Variants in MYRIP observed in about 807,000 individuals in gnomAD.
MYRIP encodes the protein rab effector MyRIP.
A neutral mutation model predicts 98.0 loss-of-function variants in MYRIP; 49 were observed. The ratio of observed to expected loss-of-function variants is 0.50; its 90% CI spans 0.40 to 0.63. MYRIP has a LOEUF of 0.63. MYRIP is among the 30% of genes least tolerant of loss of function. The probability of loss-of-function intolerance (pLI) is 0.00; values close to 1 mark genes in which losing one functional copy is unlikely to be tolerated. For synonymous variants in MYRIP, 404 were observed against 409.5 expected (o/e 0.99, Z 0.16); for missense variants, 1,004 against 1,058.2 (o/e 0.95, Z 0.71).
intron 10 of MYRIP, among the ~76,000 whole-genome samples, chr3:40,204,509 G>A (rs1228438716): frequency 3.3e-5 from 5 of 151,786 alleles, no homozygotes; most frequent in Admixed American, 6.6e-5. Context: ...GTGCAAGGAA[G>A]AGGCAACGTT....
chr3:40,023,934 ATTTTG>A (rs1264742225), intron 2 of MYRIP, among the ~76,000 whole-genome samples: 2 of 152,102 alleles, frequency 1.3e-5, no homozygotes, highest in Non-Finnish European at 2.9e-5. Flanking sequence ...TGATTCATGG[ATTTTG>A]TGACTTTTTT....
In MYRIP at chr3:39,960,339, T is replaced by A. The variant is rs571180861; in HGVS notation, c.110+59413T>A. Among the ~76,000 whole-genome samples, 5 of 152,270 alleles carry A rather than the reference T, an allele frequency of 3.3e-5. No individual in the cohort carries two copies. In the South Asian group the frequency reaches 1.0e-3, roughly 32 times the overall value. On this transcript the variant is annotated intron_variant, in intron 2 of 16. Transcript: ENST00000302541. ...GGAATCAATTCTCACTGGACATTTA[T>A]CCCTGAGACTTTCTTGTAAAAAACA...
At chr3:40,159,682 C>T (rs532961953) in intron 4 of MYRIP, among the ~76,000 whole-genome samples, 122 of 152,076 alleles carry the variant, frequency 8.0e-4, no homozygotes, top group South Asian at 7.1e-3. Context: ...TTCTTGGAGG[C>T]TTTGCTCATT....
chr3:40,115,086 A>T (rs1000649663), intron 3 of MYRIP, among the ~76,000 whole-genome samples: 1 of 152,216 alleles, frequency 6.6e-6, no homozygotes, highest in Admixed American at 6.5e-5. Flanking sequence ...ATATCAGTAT[A>T]TCTGATATGA....
chr3:39,888,720 A>AG (rs1474380209), intron 1 of MYRIP, among the ~76,000 whole-genome samples: 7 of 152,198 alleles, frequency 4.6e-5, no homozygotes, highest in Non-Finnish European at 5.9e-5. Context: ...AGCAAAAGAA[A>AG]CTACCATCAG....
chr3:39,963,269 C>T (rs1945367827), intron 2 of MYRIP, among the ~76,000 whole-genome samples: 1 of 152,128 alleles, frequency 6.6e-6, no homozygotes, highest in Non-Finnish European at 1.5e-5. Context: ...GTTGCTGTTT[C>T]TTCTCCCTGT....
intron 4 of MYRIP, among the ~76,000 whole-genome samples, chr3:40,160,492 C>A (rs1950360135): frequency 6.6e-6 from 1 of 152,186 alleles, no homozygotes; most frequent in African/African-American, 2.4e-5. Flanking sequence ...CAGAGGCAGG[C>A]AGGCCTCCTT....
intron 2 of MYRIP, among the ~76,000 whole-genome samples, chr3:39,931,058 T>C (rs1944526820): frequency 6.6e-6 from 1 of 152,052 alleles, no homozygotes; most frequent in Non-Finnish European, 1.5e-5. Flanking sequence ...CAAAAATCGA[T>C]AACAAAAGAA....
At position 40,189,986 on chromosome 3, in the gene MYRIP, T is replaced by C. The variant is rs1240232779; in HGVS notation, c.1188T>C (p.Asp396=). Reference sequence around the variant, plus strand: ...CTGCCTACGATGAGATGGGCTCCGATAGCGAGGAAGACTTTGACTGGAGTG... The same window carrying C: ...CTGCCTACGATGAGATGGGCTCCGACAGCGAGGAAGACTTTGACTGGAGTG... ...VASAYDEMGS[D]SEEDFDWSEA... is the part of the protein sequence containing the mutation. The change falls in exon 10 of 17, where the codon GAT becomes GAC. Residue 396 remains aspartate (D), a synonymous_variant. Transcript: ENST00000302541. 2.5e-6 allele frequency: 4 copies of C among 1,613,972 alleles called. No homozygotes were observed. In the East Asian group the frequency reaches 8.9e-5, roughly 36 times the overall value.
chr3:39,825,260 C>T lies in MYRIP; in HGVS notation c.-31+15344C>T, dbSNP rs576695787. ...TAAAAGTGGTGATAGTGGACATCCT[C>T]GTCTTGCACTAGTTCTTGGAGAAAA... is the stretch of plus-strand genomic sequence containing the variant. On this transcript the variant is annotated intron_variant, in intron 1 of 16. Coordinates refer to ENST00000302541, the MANE Select transcript of MYRIP (RefSeq NM_015460.4). Among the ~76,000 whole-genome samples the T allele has an allele frequency of 9.9e-5, 15 of 152,246 alleles. No individual in the cohort carries two copies. In the East Asian group the frequency reaches 1.7e-3, roughly 18 times the overall value.
intron 3 of MYRIP, among the ~76,000 whole-genome samples, chr3:40,045,068 T>A (rs1947642634): frequency 6.6e-6 from 1 of 152,182 alleles, no homozygotes; most frequent in South Asian, 2.1e-4. Flanking sequence ...AAATGCCTGT[T>A]AATGAGTGAA....
chr3:40,010,051 A>G (rs1946726078), intron 2 of MYRIP, among the ~76,000 whole-genome samples: 1 of 152,220 alleles, frequency 6.6e-6, no homozygotes, highest in Admixed American at 6.5e-5. Context: ...AGGACAGTGA[A>G]TGAGAGGGTC....
chr3:39,833,149 A>G (rs926016306), intron 1 of MYRIP, among the ~76,000 whole-genome samples: 20 of 152,336 alleles, frequency 1.3e-4, no homozygotes, highest in African/African-American at 4.3e-4. Flanking sequence ...TAATAGGATG[A>G]TAACAACAAC....
chr3:39,957,460 C>A (rs1347561632), intron 2 of MYRIP, among the ~76,000 whole-genome samples: 3 of 152,084 alleles, frequency 2.0e-5, no homozygotes, highest in Non-Finnish European at 4.4e-5. Flanking sequence ...CAGAAAAGGC[C>A]TTCGAAAAAA....
At chr3:40,168,769 TC>T (rs918344513) in intron 7 of MYRIP, among the ~76,000 whole-genome samples, 1 of 151,974 alleles carries the variant, frequency 6.6e-6, no homozygotes, top group African/African-American at 2.4e-5. Context: ...GGTTACTGAC[TC>T]CCCCCTCTCA....
At chr3:40,052,651 A>G (rs572702002) in intron 3 of MYRIP, among the ~76,000 whole-genome samples, 74 of 152,278 alleles carry the variant, frequency 4.9e-4, no homozygotes, top group South Asian at 4.1e-4. Context: ...TCTTTTTCCC[A>G]GTAATTTCAT....
At chr3:40,034,169 C>T (rs1166123840) in intron 2 of MYRIP, among the ~76,000 whole-genome samples, 1 of 151,670 alleles carries the variant, frequency 6.6e-6, no homozygotes. Flanking sequence ...TGGGCAAGGA[C>T]TTCATGTCTA....
At chr3:40,018,603 C>T (rs1559562671) in intron 2 of MYRIP, among the ~76,000 whole-genome samples, 1 of 152,088 alleles carries the variant, frequency 6.6e-6, no homozygotes, top group African/African-American at 2.4e-5. Context: ...GTTTCGTCAC[C>T]ATGTCACTCA....
At chr3:39,839,508 T>G (rs1941730305) in intron 1 of MYRIP, among the ~76,000 whole-genome samples, 1 of 152,202 alleles carries the variant, frequency 6.6e-6, no homozygotes, top group African/African-American at 2.4e-5. Context: ...TCTGCCCACC[T>G]TGGCCTCGCA....
Sources: gnomAD v4.1 joint callset for allele counts (sites outside exome capture counted in the v4.1 genomes callset) on GRCh38, gnomAD v4.1.1 for gene constraint, MANE v1.5 for transcripts, NCBI Gene and HGNC (gene_info 2026-07-23, HGNC 2026-07-21) for gene names.